The following TAS2R1 variants were observed in gnomAD, a reference collection of about 807,000 sequenced individuals.
TAS2R1 encodes the protein taste receptor type 2 member 1.
For missense variants in TAS2R1, 370 were observed against 353.4 expected (o/e 1.05, Z -0.38); for synonymous variants, 141 against 134.2 (o/e 1.05, Z -0.35).
the TAS2R1 span, among the ~76,000 whole-genome samples, chr5:9,895,726 G>A: frequency 3.3e-5 from 5 of 152,170 alleles, no homozygotes; most frequent in Admixed American, 6.5e-5. Context: ...AAATCACACT[G>A]TCTACAATGC....
the TAS2R1 span, among the ~76,000 whole-genome samples, chr5:9,725,406 G>GCCGGCTGGCCCTGCTGGC: frequency 3.3e-5 from 5 of 152,200 alleles, no homozygotes; most frequent in Non-Finnish European, 7.4e-5. Context: ...ACTTGGAGCA[G>GCCGGCTGGCCCTGCTGGC]CCGGCTGGCC....
At chr5:9,806,603 C>T in the TAS2R1 span, among the ~76,000 whole-genome samples, 1 of 152,078 alleles carries the variant, frequency 6.6e-6, no homozygotes, top group East Asian at 1.9e-4. Context: ...CAAATACTTA[C>T]AGCCAATTGA....
chr5:9,899,354 T>C, the TAS2R1 span, among the ~76,000 whole-genome samples: 1 of 152,062 alleles, frequency 6.6e-6, no homozygotes, highest in Non-Finnish European at 1.5e-5. Context: ...TAGCTAAAGG[T>C]GGCCGAGTGT....
At chr5:9,751,369 G>A in the TAS2R1 span, among the ~76,000 whole-genome samples, 1 of 150,078 alleles carries the variant, frequency 6.7e-6, no homozygotes, top group African/African-American at 2.5e-5. Context: ...GGTCACTTCT[G>A]GTCAATATAT....
At chr5:9,861,676 G>C in the TAS2R1 span, among the ~76,000 whole-genome samples, 3 of 152,150 alleles carry the variant, frequency 2.0e-5, no homozygotes, top group Non-Finnish European at 4.4e-5. Context: ...GAATCAAGGT[G>C]GTACAGAATG....
chr5:9,723,923 T>C, the TAS2R1 span, among the ~76,000 whole-genome samples: 2 of 152,220 alleles, frequency 1.3e-5, no homozygotes, highest in African/African-American at 4.8e-5. Flanking sequence ...GGCTCTTTCT[T>C]TGTTCTTCCT....
upstream of TAS2R1, among the ~76,000 whole-genome samples, chr5:9,715,903 T>A (rs567933336): frequency 1.3e-5 from 2 of 152,288 alleles, no homozygotes; most frequent in East Asian, 3.9e-4. Context: ...TAAAGCCATT[T>A]CCTGTTTATA....
chr5:9,764,816 A>T, the TAS2R1 span, among the ~76,000 whole-genome samples: 6 of 152,240 alleles, frequency 3.9e-5, no homozygotes, highest in Non-Finnish European at 7.3e-5. Context: ...ACCAAGGTTT[A>T]TGTATAAAAT....
At chr5:9,644,344 T>C (rs2126483331) in intron 2 of TAS2R1, among the ~76,000 whole-genome samples, 1 of 152,144 alleles carries the variant, frequency 6.6e-6, no homozygotes, top group South Asian at 2.1e-4. Flanking sequence ...GTGGTCAAGA[T>C]GGGAAGAAGT....
chr5:9,730,281 T>C, the TAS2R1 span, among the ~76,000 whole-genome samples: 445 of 152,346 alleles, frequency 2.9e-3, 2 homozygotes, highest in African/African-American at 9.9e-3. Context: ...TTCTCCACCA[T>C]TGACATCTCC....
At chr5:9,901,057 C>G in the TAS2R1 span, among the ~76,000 whole-genome samples, 7 of 152,106 alleles carry the variant, frequency 4.6e-5, no homozygotes, top group African/African-American at 7.2e-5. Flanking sequence ...TTGTACCCTT[C>G]ACTCACTCAG....
chr5:9,718,116 T>G, the TAS2R1 span, among the ~76,000 whole-genome samples: 2 of 151,160 alleles, frequency 1.3e-5, no homozygotes, highest in East Asian at 3.9e-4. Flanking sequence ...CACGCCACCA[T>G]GCCCAGCAAT....
the TAS2R1 span, among the ~76,000 whole-genome samples, chr5:9,771,849 G>A: frequency 6.6e-6 from 1 of 151,970 alleles, no homozygotes; most frequent in Non-Finnish European, 1.5e-5. Context: ...AGTGTCAGTT[G>A]TAATGTCTCA....
intron 1 of TAS2R1, among the ~76,000 whole-genome samples, chr5:9,690,621 A>T (rs1280688702): frequency 6.6e-6 from 1 of 151,878 alleles, no homozygotes; most frequent in African/African-American, 2.4e-5. Flanking sequence ...GAGGGGGGGA[A>T]AAAAGTGTGA....
At chr5:9,758,371 A>G in the TAS2R1 span, among the ~76,000 whole-genome samples, 2 of 152,210 alleles carry the variant, frequency 1.3e-5, no homozygotes, top group Admixed American at 1.3e-4. Context: ...TTACAGCTTC[A>G]GTTCTACAGC....
chr5:9,693,366 A>G (rs1306203834), intron 1 of TAS2R1, among the ~76,000 whole-genome samples: 1 of 151,876 alleles, frequency 6.6e-6, no homozygotes, highest in Non-Finnish European at 1.5e-5. Context: ...CTCTACTAAA[A>G]ATACAAAATT....
At chr5:9,653,482 A>T (rs1040013860) in intron 2 of TAS2R1, among the ~76,000 whole-genome samples, 19 of 122,550 alleles carry the variant, frequency 1.6e-4, no homozygotes, top group African/African-American at 4.3e-4. Flanking sequence ...ACATGGGTGT[A>T]CAAATAACTG....
the TAS2R1 span, among the ~76,000 whole-genome samples, chr5:9,827,649 G>A: frequency 3.3e-5 from 5 of 151,458 alleles, no homozygotes; most frequent in Admixed American, 6.6e-5. Flanking sequence ...CAGGTGTTGT[G>A]GCATGCACTT....
chr5:9,674,677 A>G (rs548820931), intron 1 of TAS2R1, among the ~76,000 whole-genome samples: 1 of 152,254 alleles, frequency 6.6e-6, no homozygotes, highest in East Asian at 1.9e-4. Flanking sequence ...CTAGAATTCT[A>G]CAGTCCTGAA....
Sources: allele counts gnomAD v4.1 joint callset (sites outside exome capture counted in the v4.1 genomes callset), GRCh38; gene constraint gnomAD v4.1.1; transcripts MANE v1.5; gene names NCBI Gene and HGNC (gene_info 2026-07-23, HGNC 2026-07-21).